Variants in RTTN observed in about 807,000 individuals in gnomAD.
The protein encoded by RTTN is rotatin.
Under a neutral mutation model 269.2 loss-of-function variants are expected in RTTN, and 182 were observed. That is an observed-to-expected ratio of 0.68 (90% CI 0.60 to 0.76). The LOEUF (loss-of-function observed/expected upper bound fraction) is 0.76. RTTN is among the 30% of genes least tolerant of loss of function. RTTN has a pLI of 0.00. For synonymous variants in RTTN, 1,006 were observed against 963.5 expected (o/e 1.04, Z -0.82); for missense variants, 2,545 against 2,608.6 (o/e 0.98, Z 0.53).
intron 46 of RTTN, chr18:70,007,940 T>C: frequency 6.5e-6 from 1 of 153,932 alleles, no homozygotes; most frequent in Admixed American, 6.5e-5. Context: ...AGTGGGTCCC[T>C]GACGCTCGTG....
intron 11 of RTTN, among the ~76,000 whole-genome samples, chr18:70,175,428 C>T (rs952037537): frequency 6.6e-5 from 10 of 151,942 alleles, no homozygotes; most frequent in African/African-American, 1.9e-4. Context: ...TCATATATTA[C>T]GTAACTCAAA....
At chr18:70,116,965 G>A (rs1599633080) in intron 26 of RTTN, among the ~76,000 whole-genome samples, 1 of 151,564 alleles carries the variant, frequency 6.6e-6, no homozygotes, top group East Asian at 1.9e-4. Flanking sequence ...GCACTTCTAG[G>A]TTACTATAAA....
chr18:70,109,793 A>T, intron 27 of RTTN, 76 bp from the exon 28 acceptor site: 1 of 1,157,720 alleles, frequency 8.6e-7, no homozygotes, highest in East Asian at 2.4e-5. Flanking sequence ...CTGGCTATAA[A>T]AGGTTACTTA....
At chr18:70,068,695 T>C (rs1479925697) in intron 34 of RTTN, among the ~76,000 whole-genome samples, 3 of 152,178 alleles carry the variant, frequency 2.0e-5, no homozygotes, top group Admixed American at 6.5e-5. Flanking sequence ...GTAGGATAAC[T>C]AGGGTTGTCC....
At chr18:70,123,689 C>T (rs2059794168) in intron 25 of RTTN, among the ~76,000 whole-genome samples, 1 of 152,086 alleles carries the variant, frequency 6.6e-6, no homozygotes. Context: ...CTCTGAACCA[C>T]TTTCTCTCTA....
intron 14 of RTTN, among the ~76,000 whole-genome samples, chr18:70,155,568 T>C (rs2060651262): frequency 6.6e-6 from 1 of 152,216 alleles, no homozygotes; most frequent in Non-Finnish European, 1.5e-5. Context: ...TCTAGGATCC[T>C]AACTATGGGA....
At chr18:70,084,682 A>G (rs2058657542) in intron 32 of RTTN, among the ~76,000 whole-genome samples, 1 of 152,110 alleles carries the variant, frequency 6.6e-6, no homozygotes, top group Admixed American at 6.5e-5. Context: ...AAAAGCATAC[A>G]AGATTGTCCT....
intron 32 of RTTN, among the ~76,000 whole-genome samples, chr18:70,076,932 G>T (rs2145088598): frequency 6.6e-6 from 1 of 151,958 alleles, no homozygotes; most frequent in South Asian, 2.1e-4. Context: ...AACATTCACA[G>T]CTTCAAGAAA....
rs1423199848 is a variant in RTTN at position 70,173,682 on chromosome 18, C to T, written c.1476+2993G>A. 5.3e-5 allele frequency among the ~76,000 whole-genome samples: 8 copies of T among 152,032 alleles called. No individual in the cohort carries two copies. In the South Asian group the frequency reaches 1.2e-3, roughly 24 times the overall value. On this transcript the variant is annotated intron_variant, in intron 11 of 48. Coordinates refer to ENST00000640769, the MANE Select transcript of RTTN (RefSeq NM_173630.4). Reference sequence around the variant, plus strand: ...CTTTGTTTTGGTAATAAGTACACCACGAAACACTGATGTCTGAATGATCTG... The same window carrying T: ...CTTTGTTTTGGTAATAAGTACACCATGAAACACTGATGTCTGAATGATCTG...
At chr18:70,072,899 G>A (rs1309532984) in intron 34 of RTTN, among the ~76,000 whole-genome samples, 1 of 151,916 alleles carries the variant, frequency 6.6e-6, no homozygotes, top group Non-Finnish European at 1.5e-5. Context: ...AGTGGAACTC[G>A]GGTAATTATC....
chr18:70,083,875 G>C (rs7240732), intron 32 of RTTN, among the ~76,000 whole-genome samples: 1 of 150,362 alleles, frequency 6.7e-6, no homozygotes, highest in African/African-American at 2.4e-5. Context: ...GGAACTCAAG[G>C]CCAGCCTGGA....
At chr18:70,148,049 T>C (rs2060441309) in intron 17 of RTTN, among the ~76,000 whole-genome samples, 1 of 152,126 alleles carries the variant, frequency 6.6e-6, no homozygotes, top group Non-Finnish European at 1.5e-5. Flanking sequence ...CTCCTTCCAT[T>C]CTCTTAATAG....
chr18:70,078,878 C>T (rs2058492596), intron 32 of RTTN, among the ~76,000 whole-genome samples: 1 of 152,040 alleles, frequency 6.6e-6, no homozygotes, highest in Admixed American at 6.6e-5. Context: ...ACAATCTCAG[C>T]CATGTCTTAC....
intron 34 of RTTN, among the ~76,000 whole-genome samples, chr18:70,073,206 T>C (rs568651596): frequency 1.3e-5 from 2 of 152,142 alleles, no homozygotes; most frequent in Non-Finnish European, 2.9e-5. Flanking sequence ...TAAATGATTC[T>C]GTATGTTTGT....
At chr18:70,114,411 A>C (rs780041431) in intron 27 of RTTN, 34 bp downstream of exon 27, 1 of 1,588,148 alleles carries the variant, frequency 6.3e-7, no homozygotes, top group South Asian at 1.2e-5. Context: ...GTTCTATATA[A>C]ATGCACCTAA....
chr18:70,066,529 G>T (rs538788820), intron 34 of RTTN, among the ~76,000 whole-genome samples: 3 of 152,120 alleles, frequency 2.0e-5, no homozygotes, highest in Admixed American at 6.5e-5. Flanking sequence ...CTGAAAAAGC[G>T]CAAAGTGATG....
chr18:70,025,989 G>A (rs1004870596), intron 43 of RTTN, among the ~76,000 whole-genome samples: 1 of 152,126 alleles, frequency 6.6e-6, no homozygotes, highest in East Asian at 1.9e-4. Flanking sequence ...AGTAGTTTAC[G>A]TGTTAAGAGA....
chr18:70,057,914 A>C lies in RTTN; in HGVS notation c.4941-82T>G, dbSNP rs2057864724. 5 of 954,200 alleles carry C rather than the reference A, an allele frequency of 5.2e-6. No individual in the cohort carries two copies. In the Admixed American group the frequency reaches 6.5e-5, roughly 12 times the overall value. The allele number at this position is 954,200 out of a possible 1,614,324, so 59.1% of individuals were successfully genotyped here. ...ATTAAGAAATCAGAATTTGAAGTTT[A>C]AAGGTAACTCGAATACAATTCAAGA... On this transcript the variant is annotated intron_variant, in intron 36 of 48. Transcript: ENST00000640769.
chr18:70,074,143 A>T (rs1893470462), intron 33 of RTTN, 149 bp from the exon 34 acceptor site: 7 of 426,426 alleles, frequency 1.6e-5, no homozygotes, highest in African/African-American at 1.1e-4. Flanking sequence ...CCACTATTTA[A>T]AAAAAAAAAA....
Sources: gnomAD v4.1 joint callset for allele counts (sites outside exome capture counted in the v4.1 genomes callset) on GRCh38, gnomAD v4.1.1 for gene constraint, MANE v1.5 for transcripts, NCBI Gene and HGNC (gene_info 2026-07-23, HGNC 2026-07-21) for gene names.